CPXM2: variants seen among roughly 807,000 people sequenced by gnomAD.
CPXM2 encodes carboxypeptidase X, M14 family member 2.
In CPXM2, 66 loss-of-function variants were observed where a neutral mutation model predicts 86.1. The ratio of observed to expected loss-of-function variants is 0.77; its 90% CI spans 0.63 to 0.94. The LOEUF is 0.94. Among genes scored for constraint, CPXM2 ranks in the 40% least tolerant of loss-of-function variants. CPXM2 has a pLI of 0.00. For missense variants in CPXM2, 948 were observed against 1,026.3 expected (o/e 0.92, Z 1.04); for synonymous variants, 388 against 400.2 (o/e 0.97, Z 0.36).
At chr10:123,906,930 T>C (rs182330100) in intron 2 of CPXM2, among the ~76,000 whole-genome samples, 5 of 152,310 alleles carry the variant, frequency 3.3e-5, no homozygotes, top group Non-Finnish European at 7.3e-5. Context: ...AGCTCTTGTC[T>C]TCTTCAGGTG....
intron 2 of CPXM2, among the ~76,000 whole-genome samples, chr10:123,867,829 G>A (rs574649051): frequency 2.6e-5 from 4 of 152,214 alleles, no homozygotes; most frequent in African/African-American, 4.8e-5. Context: ...CACTGCGCCC[G>A]GCCCATCCTA....
intron 4 of CPXM2, among the ~76,000 whole-genome samples, chr10:123,826,294 G>A (rs1369678997): frequency 2.6e-5 from 4 of 152,124 alleles, no homozygotes; most frequent in South Asian, 2.1e-4. Flanking sequence ...TTCTGAGCAC[G>A]GAAGGTTAAG....
At chr10:123,748,230 C>T (rs926473185) in intron 13 of CPXM2, among the ~76,000 whole-genome samples, 1 of 152,130 alleles carries the variant, frequency 6.6e-6, no homozygotes, top group Non-Finnish European at 1.5e-5. Context: ...AGCAGTCTTT[C>T]GCTTGTGACA....
rs1179336222 is a variant in CPXM2 at position 123,754,286 on chromosome 10, C to G, written c.2017+377G>C. On this transcript the variant is annotated intron_variant, in intron 13 of 13. Coordinates refer to ENST00000241305, the MANE Select transcript of CPXM2 (RefSeq NM_198148.3). This position sits in a 1 kb window ranked among gnomAD's most constrained non-coding sequence, Gnocchi z 4.0. The stretch of plus-strand genomic sequence containing the variant: ...TCCCTCTCCGGAGCAGCCTGGCTCC[C>G]TCGCTCCCTGGCCCCTCTGCACTCA... Among the ~76,000 whole-genome samples, 1 of 152,234 alleles carries G rather than the reference C, an allele frequency of 6.6e-6. No homozygotes were observed. The highest frequency in any genetic ancestry group is 6.5e-5 in the Admixed American group (1 of 15,284).
intron 4 of CPXM2, among the ~76,000 whole-genome samples, chr10:123,808,219 A>G (rs1354687544): frequency 6.6e-6 from 1 of 152,188 alleles, no homozygotes; most frequent in African/African-American, 2.4e-5. Context: ...AAGAATACCT[A>G]TCATTAACAA....
chr10:123,883,889 G>T (rs2134238731), intron 1 of CPXM2, among the ~76,000 whole-genome samples: 1 of 152,286 alleles, frequency 6.6e-6, no homozygotes, highest in African/African-American at 2.4e-5. Flanking sequence ...AATGGAAACA[G>T]TGTGCAGAGA....
intron 2 of CPXM2, among the ~76,000 whole-genome samples, chr10:123,922,650 G>A (rs968955929): frequency 1.1e-4 from 16 of 152,174 alleles, no homozygotes; most frequent in East Asian, 3.8e-4. Flanking sequence ...ATTTCTGAGC[G>A]CTGAGATTAA....
intron 11 of CPXM2, among the ~76,000 whole-genome samples, chr10:123,760,729 A>T (rs567777122): frequency 6.6e-6 from 1 of 152,282 alleles, no homozygotes; most frequent in Admixed American, 6.5e-5. Context: ...GCACATCCAC[A>T]TCTTCCACCT....
At chr10:123,829,430 C>T (rs1475622797) in intron 4 of CPXM2, among the ~76,000 whole-genome samples, 1 of 151,400 alleles carries the variant, frequency 6.6e-6, no homozygotes, top group Non-Finnish European at 1.5e-5. Flanking sequence ...TCCCAAAGTG[C>T]TGGGTTTATA....
At chr10:123,845,291 A>G (rs150047217) in intron 3 of CPXM2, among the ~76,000 whole-genome samples, 18 of 152,148 alleles carry the variant, frequency 1.2e-4, no homozygotes, top group African/African-American at 4.1e-4. Context: ...AACCAGCTAT[A>G]GAACACCATG....
intron 4 of CPXM2, among the ~76,000 whole-genome samples, chr10:123,816,739 G>A (rs543224165): frequency 6.6e-6 from 1 of 152,344 alleles, no homozygotes; most frequent in African/African-American, 2.4e-5. Context: ...AGCTGGCAAG[G>A]CCAGCAATAT....
chr10:123,842,450 C>T lies in CPXM2; in HGVS notation c.552G>A (p.Trp184Ter). ...INENDFYDGA[W>*]CAGRNDLQQW... ...GCTGGAGGTCATTTCTTCCCGCGCA[C>T]CACGCTCCGTCATAAAAATCATTTT... The change falls in exon 4 of 14, where the codon TGG becomes TGA. Residue 184 changes from tryptophan to a stop codon, truncating the protein, a stop_gained. Transcript: ENST00000241305. LOFTEE classifies it high-confidence loss of function. 1 of 1,614,170 alleles carries T rather than the reference C, an allele frequency of 6.2e-7. No homozygotes were observed. Among genetic ancestry groups the T allele is most frequent in the Non-Finnish European group, 8.5e-7 (1 of 1,180,000 alleles).
chr10:123,938,277 C>T (rs992247680), intron 2 of CPXM2, among the ~76,000 whole-genome samples: 10 of 152,202 alleles, frequency 6.6e-5, no homozygotes, highest in Admixed American at 6.5e-4. Context: ...AAGCTGCAAT[C>T]TGGGATCACA....
intron 2 of CPXM2, among the ~76,000 whole-genome samples, chr10:123,875,214 G>A (rs151285469): frequency 6.6e-6 from 1 of 152,206 alleles, no homozygotes; most frequent in Non-Finnish European, 1.5e-5. Flanking sequence ...AAAGGCACTT[G>A]TTTCTTTTTA....
rs547887966 is a variant in CPXM2, at chr10:123,801,947, T to G, written c.654-2748A>C. On this transcript the variant is annotated intron_variant, in intron 4 of 13. Transcript: ENST00000241305. ...CCAATTTCTTTCTTATATGCTTTCT[T>G]TCATAGTTTAATTCAGTTTGTAATT... 5.3e-5 allele frequency among the ~76,000 whole-genome samples: 8 copies of G among 152,306 alleles called. No homozygotes were observed. In the South Asian group the frequency reaches 1.7e-3, roughly 32 times the overall value.
At chr10:123,842,317 G>C (rs776162840) in intron 4 of CPXM2, 32 bp downstream of exon 4, 2 of 1,612,312 alleles carry the variant, frequency 1.2e-6, no homozygotes, top group South Asian at 2.2e-5. Context: ...CCCAAAACAG[G>C]GTCCAGAAAG....
intron 2 of CPXM2, chr10:123,931,459 A>T (rs1224519362): frequency 1.3e-5 from 2 of 152,202 alleles, no homozygotes; most frequent in Non-Finnish European, 2.9e-5. Context: ...ACTGTAATAA[A>T]CTATAACTGT....
At chr10:123,892,705 G>T (rs1945295149), upstream of CPXM2, among the ~76,000 whole-genome samples, 1 of 152,182 alleles carries the variant, frequency 6.6e-6, no homozygotes, top group Non-Finnish European at 1.5e-5. Context: ...CAGCAGGACT[G>T]GTTTCTTAGG....
intron 2 of CPXM2, among the ~76,000 whole-genome samples, chr10:123,863,976 G>T (rs995048835): frequency 2.0e-5 from 3 of 152,152 alleles, no homozygotes; most frequent in Non-Finnish European, 4.4e-5. Context: ...GAGAGTCAAG[G>T]CCACTGACCC....
Sources: gnomAD v4.1 joint callset for allele counts (sites outside exome capture counted in the v4.1 genomes callset) on GRCh38, gnomAD v4.1.1 for gene constraint, Gnocchi (gnomAD v3.1) non-coding constraint, MANE v1.5 for transcripts, NCBI Gene and HGNC (gene_info 2026-07-23, HGNC 2026-07-21) for gene names.